SLC29A2: variants seen among roughly 807,000 people sequenced by gnomAD.
The protein encoded by SLC29A2 is solute carrier family 29 member 2.
SLC29A2 carries 37 observed loss-of-function variants against 48.8 expected under a neutral mutation model. The observed-to-expected ratio is 0.76, with a 90% CI of 0.58 to 1.00. The LOEUF (loss-of-function observed/expected upper bound fraction) is 1.00. SLC29A2 is among the 50% of genes least tolerant of loss of function. The pLI is 0.00. For missense variants in SLC29A2, 533 were observed against 578.6 expected, an observed-to-expected ratio of 0.92 and a Z score of 0.81; for synonymous variants, 233 against 261.7, an observed-to-expected ratio of 0.89 and a Z score of 1.06.
chr11:66,363,758 T>G, intron 11 of SLC29A2: 1 of 585,176 alleles, frequency 1.7e-6, no homozygotes. Context: ...CATGATGGGA[T>G]TCCAGATTCC....
rs1856058393 is a variant in SLC29A2 at position 66,371,707 on chromosome 11, G to A, written c.-116C>T. ...GGGGGGCGGGTCTCCCCAGATTCCG[G>A]TGCAGGGCGGCTGGAGTCGCACAGG... On this transcript the variant is annotated 5_prime_UTR_variant, in exon 1 of 12. Transcript: ENST00000357440. 9.4e-7 allele frequency: 1 copy of A among 1,065,582 alleles called. No individual in the cohort carries two copies. The highest frequency in any genetic ancestry group is 1.3e-6 in the Non-Finnish European group (1 of 746,226). 66.0% of individuals were successfully genotyped at this position (1,065,582 alleles called of 1,614,324 possible).
rs570868563 is a variant in SLC29A2, at chr11:66,367,060, G to T, written c.733+404C>A. On this transcript the variant is annotated intron_variant, in intron 7 of 11. Coordinates refer to ENST00000357440, the MANE Select transcript of SLC29A2 (RefSeq NM_001532.3). The stretch of plus-strand genomic sequence containing the variant: ...AATATGCATAGCTACCAGGAAGCGC[G>T]TGCATGGGTCGGGTGATGAGCGAAG... Among the ~76,000 whole-genome samples the T allele has an allele frequency of 2.6e-5, 4 of 152,332 alleles. No individual in the cohort carries two copies. The East Asian group carries it at 5.8e-4, about 22-fold the overall frequency.
At chr11:66,368,084 G>A (rs1356560531) in intron 5 of SLC29A2, among the ~76,000 whole-genome samples, 4 of 152,152 alleles carry the variant, frequency 2.6e-5, no homozygotes, top group South Asian at 2.1e-4. Context: ...TGTTGAGCAC[G>A]TACTATGTGC....
At position 66,371,259 on chromosome 11, in the gene SLC29A2, G is replaced by A; in HGVS notation, c.96C>T (p.Phe32=). Residue 32 remains phenylalanine (F), a synonymous_variant, in exon 2 of 12, where the codon TTC becomes TTT. Coordinates refer to ENST00000357440, the MANE Select transcript of SLC29A2 (RefSeq NM_001532.3). ...GGAGTCTCACCGGGATGGCGGTGAT[G>A]AAGAAGTTCCAGGGAAGGAGGGTGC... The part of the protein sequence containing the change: ...GLGTLLPWNF[F]ITAIPYFQAR... 6.2e-7 allele frequency: 1 copy of A among 1,613,860 alleles called. No individual in the cohort carries two copies. Among genetic ancestry groups the A allele is most frequent in the Non-Finnish European group, 8.5e-7 (1 of 1,179,992 alleles).
upstream of SLC29A2, chr11:66,371,899 C>CCCGCTCCCCGCACAG (rs1241503132): frequency 7.7e-5 from 36 of 465,382 alleles, no homozygotes; most frequent in Non-Finnish European, 1.1e-4. Flanking sequence ...GCGGAACCCG[C>CCCGCTCCCCGCACAG]CCGCTCCCCG....
At position 66,364,382 on chromosome 11, in the gene SLC29A2, G is replaced by C. The variant is rs778187442; in HGVS notation, c.1102C>G (p.Arg368Gly). ...ATGAAGAGGGGCACGAACAGGAACC[G>C]CAGGCAGACCAGCAGGGGCAGCAGC... Reference protein sequence around the residue: ...SRLLPLLVCLRFLFVPLFMLC... With the variant: ...SRLLPLLVCLGFLFVPLFMLC... Residue 368 changes from arginine (R) to glycine (G), a missense_variant, in exon 11 of 12, where the codon CGG becomes GGG. Arg to Gly is a moderately radical substitution (Grantham distance 125, BLOSUM62 -2). Coordinates refer to ENST00000357440, the MANE Select transcript of SLC29A2 (RefSeq NM_001532.3). 10 of 1,613,790 alleles carry C rather than the reference G, an allele frequency of 6.2e-6. No individual in the cohort carries two copies. In the African/African-American group the frequency reaches 1.3e-4, roughly 22 times the overall value.
chr11:66,367,946 C>G, intron 5 of SLC29A2, 77 bp from the exon 6 acceptor site: 1 of 1,132,512 alleles, frequency 8.8e-7, no homozygotes, highest in East Asian at 2.5e-5. Context: ...TCTTGTCCCA[C>G]TTCCCATTGT....
Position 66,371,585 on chromosome 11 carries a change from G to C in SLC29A2, c.7C>G (p.Arg3Gly). The C allele has an allele frequency of 6.5e-7, 1 of 1,549,578 alleles. No individual in the cohort carries two copies. The highest frequency in any genetic ancestry group is 8.7e-7 in the Non-Finnish European group (1 of 1,149,488). The change falls in exon 1 of 12, where the codon CGA (arginine) becomes GGA (glycine). Residue 3 changes from arginine (R) to glycine (G), a missense_variant. Coordinates refer to ENST00000357440, the MANE Select transcript of SLC29A2 (RefSeq NM_001532.3). Reference sequence around the variant, plus strand: ...CACCTGTCCCGCGGGGCGTCTCCTCGCGCCATGGCCGCCGCGGCGGATGCG... The same window carrying C: ...CACCTGTCCCGCGGGGCGTCTCCTCCCGCCATGGCCGCCGCGGCGGATGCG... MA[R>G]GDAPRDSYHL... is the part of the protein sequence containing the mutation.
In SLC29A2 at chr11:66,371,328, G is replaced by A. The variant is rs1468812007; in HGVS notation, c.30-3C>T. The A allele has an allele frequency of 6.2e-7, 1 of 1,613,588 alleles. No individual in the cohort carries two copies. The highest frequency in any genetic ancestry group is 2.2e-5 in the East Asian group (1 of 44,880). On this transcript the variant is annotated splice_polypyrimidine_tract_variant and splice_region_variant and intron_variant, in intron 1 of 11. Transcript: ENST00000357440. ...AGCTGATCCCGACCAGGTGGTAGCT[G>A]TGGGGATCGGTGGGAAGGTCACCCC... is the stretch of plus-strand genomic sequence containing the variant.
chr11:66,365,194 C>T (rs1350278021), intron 10 of SLC29A2, among the ~76,000 whole-genome samples: 1 of 152,134 alleles, frequency 6.6e-6, no homozygotes, highest in Non-Finnish European at 1.5e-5. Context: ...TGTGAGCCAC[C>T]GCGTCCAGCC....
chr11:66,369,670 C>G, intron 2 of SLC29A2, 138 bp from the exon 3 acceptor site: 1 of 988,442 alleles, frequency 1.0e-6, no homozygotes, highest in Middle Eastern at 3.0e-4. Flanking sequence ...AGCCGGCACA[C>G]AGTCGGAGCT....
chr11:66,369,302 G>T lies in SLC29A2; in HGVS notation c.275+67C>A. On this transcript the variant is annotated intron_variant, in intron 3 of 11. Transcript: ENST00000357440. ...TGGGCAGTAGGGCTGGGGGGCAGGG[G>T]GCGCAGGGGAGGGCCTCAATGAAGC... 2.5e-6 allele frequency: 4 copies of T among 1,607,420 alleles called. No homozygotes were observed. The South Asian group carries it at 4.4e-5, about 18-fold the overall frequency.
intron 2 of SLC29A2, among the ~76,000 whole-genome samples, chr11:66,370,963 C>G (rs10791872): frequency 0.35 from 53,355 of 151,732 alleles, 10,012 homozygotes; most frequent in African/African-American, 0.48. Context: ...TTTGGGGTGA[C>G]TGACTCAGGA....
In SLC29A2 at chr11:66,366,502, T is replaced by C; in HGVS notation, c.796A>G (p.Lys266Glu). Reference protein sequence around the residue: ...VALTLDLDLEKEPESEPDEPQ... With the variant: ...VALTLDLDLEEEPESEPDEPQ... ...TCATCTGGCTCTGATTCCGGCTCCT[T>C]CTCCAGGTCAAGATCCAGGGTCAGA... Residue 266 changes from lysine (K) to glutamate (E), a missense_variant, in exon 8 of 12, where the codon AAG becomes GAG. Physicochemically the swap from Lys to Glu is moderately conservative, Grantham distance 56 (BLOSUM62 1). Coordinates refer to ENST00000357440, the MANE Select transcript of SLC29A2 (RefSeq NM_001532.3). 1 of 1,614,042 alleles carries C rather than the reference T, an allele frequency of 6.2e-7. No individual in the cohort carries two copies. Among genetic ancestry groups the C allele is most frequent in the South Asian group, 1.1e-5 (1 of 91,074 alleles).
intron 10 of SLC29A2, among the ~76,000 whole-genome samples, chr11:66,365,296 C>G (rs1378903181): frequency 6.6e-6 from 1 of 152,242 alleles, no homozygotes; most frequent in East Asian, 1.9e-4. Context: ...TCTGACCTGA[C>G]CTACCTTGTG....
intron 10 of SLC29A2, 155 bp from the exon 11 acceptor site, chr11:66,364,579 ACTGCAACCTCCACCTC>A: frequency 1.7e-6 from 1 of 596,656 alleles, no homozygotes; most frequent in Non-Finnish European, 2.9e-6. Flanking sequence ...ATCTCAGCTC[ACTGCAACCTCCACCTC>A]CTGGGTTCAA....
chr11:66,370,959 G>C (rs1855999208), intron 2 of SLC29A2, among the ~76,000 whole-genome samples: 1 of 152,134 alleles, frequency 6.6e-6, no homozygotes, highest in African/African-American at 2.4e-5. Context: ...GACTTTTGGG[G>C]TGACTGACTC....
Position 66,369,090 on chromosome 11 carries a change from TGGA to T in SLC29A2, c.382_384del (p.Ser128del). ...ATGAAGCAGACGGAGGCCATGGTGA[TGGA>T]GAAGAAGGGTCCGGGGCTCATGTCC... is the stretch of plus-strand genomic sequence containing the variant. On this transcript the variant is annotated inframe_deletion, in exon 4 of 12. Transcript: ENST00000357440. 1 of 1,599,754 alleles carries T rather than the reference TGGA, an allele frequency of 6.3e-7. No homozygotes were observed. The highest frequency in any genetic ancestry group is 8.5e-7 in the Non-Finnish European group (1 of 1,173,450).
chr11:66,365,213 C>G (rs1855613033), intron 10 of SLC29A2, among the ~76,000 whole-genome samples: 1 of 152,160 alleles, frequency 6.6e-6, no homozygotes, highest in African/African-American at 2.4e-5. Context: ...CCCCAGAGTG[C>G]TAGGATTATA....
Sources: allele counts gnomAD v4.1 joint callset (sites outside exome capture counted in the v4.1 genomes callset), GRCh38; gene constraint gnomAD v4.1.1; transcripts MANE v1.5; gene names NCBI Gene and HGNC (gene_info 2026-07-23, HGNC 2026-07-21).